DDI2: variants seen among roughly 807,000 people sequenced by gnomAD.
DDI2 encodes DDI proteasomal shuttling factor 2, also known as protein DDI1 homolog 2.
In DDI2, 5 loss-of-function variants were observed where a neutral mutation model predicts 48.1. The ratio of observed to expected loss-of-function variants is 0.10; its 90% CI spans 0.05 to 0.22. The LOEUF (loss-of-function observed/expected upper bound fraction) is 0.22. Ranked by LOEUF, DDI2 falls within the 10% of genes least tolerant of loss-of-function variation. The pLI is 1.00. For synonymous variants in DDI2, 205 were observed against 183.6 expected (o/e 1.12, Z -0.94); for missense variants, 285 against 506.2 (o/e 0.56, Z 4.19).
At chr1:15,621,644 C>G (rs1570964167) in intron 1 of DDI2, among the ~76,000 whole-genome samples, 1 of 152,164 alleles carries the variant, frequency 6.6e-6, no homozygotes, top group African/African-American at 2.4e-5. Context: ...CCTTGGCCTC[C>G]CAGAGTGCTG....
At chr1:15,655,773 A>G (rs1030037360) in intron 8 of DDI2, among the ~76,000 whole-genome samples, 1 of 151,300 alleles carries the variant, frequency 6.6e-6, no homozygotes, top group Admixed American at 6.6e-5. Flanking sequence ...AAAAAGAAAA[A>G]AAATTAGCCA....
chr1:15,633,351 T>A, intron 3 of DDI2, 88 bp from the exon 4 acceptor site: 1 of 1,464,872 alleles, frequency 6.8e-7, no homozygotes, highest in Non-Finnish European at 9.3e-7. Flanking sequence ...CTTACAGATG[T>A]AGTTTGATAA....
chr1:15,665,643 A>G lies in DDI2; in HGVS notation c.*5853A>G, dbSNP rs1433691974. ...GTGATTGACAAGTATAGTTAATTTT[A>G]TATGGATTTAAAAGCAAGCAATTTT... On this transcript the variant is annotated 3_prime_UTR_variant, in exon 10 of 10. Coordinates refer to ENST00000480945, the MANE Select transcript of DDI2 (RefSeq NM_032341.5). 2 of 152,208 alleles carry G rather than the reference A, an allele frequency of 1.3e-5. No individual in the cohort carries two copies. Among genetic ancestry groups the G allele is most frequent in the Non-Finnish European group, 2.9e-5 (2 of 68,044 alleles). 9.4% of individuals were successfully genotyped at this position (152,208 alleles called of 1,614,324 possible).
At chr1:15,621,163 G>C (rs1028451096) in intron 1 of DDI2, among the ~76,000 whole-genome samples, 4 of 152,150 alleles carry the variant, frequency 2.6e-5, no homozygotes, top group African/African-American at 9.7e-5. Context: ...TTGATGCTTT[G>C]ATGCAGACTT....
chr1:15,660,884 A>T lies in DDI2; in HGVS notation c.*1094A>T, dbSNP rs1233822150. ...TCTCCAAGTCTCTGTGGCAGTTGTCAGCCTTCTGTGGAGTCAGCAGAAGAA... is the reference window on the plus strand; with the variant it reads ...TCTCCAAGTCTCTGTGGCAGTTGTCTGCCTTCTGTGGAGTCAGCAGAAGAA... On this transcript the variant is annotated 3_prime_UTR_variant, in exon 10 of 10. Coordinates refer to ENST00000480945, the MANE Select transcript of DDI2 (RefSeq NM_032341.5). 6.2e-7 allele frequency: 1 copy of T among 1,614,056 alleles called. No individual in the cohort carries two copies. The highest frequency in any genetic ancestry group is 8.5e-7 in the Non-Finnish European group (1 of 1,180,040).
At chr1:15,634,862 A>G (rs1000104427) in intron 4 of DDI2, among the ~76,000 whole-genome samples, 3 of 151,918 alleles carry the variant, frequency 2.0e-5, no homozygotes, top group Admixed American at 6.6e-5. Flanking sequence ...CTTCCTTCTG[A>G]CCTCAATTGA....
At chr1:15,633,977 T>G (rs2103467404) in intron 4 of DDI2, 4 of 360,622 alleles carry the variant, frequency 1.1e-5, no homozygotes, top group South Asian at 8.5e-5. Flanking sequence ...GGCTTAAACA[T>G]GATTGGATTA....
At chr1:15,638,171 C>T (rs1639955391) in intron 4 of DDI2, 136 bp from the exon 5 acceptor site, 1 of 1,247,444 alleles carries the variant, frequency 8.0e-7, no homozygotes, top group East Asian at 2.6e-5. Context: ...CATATAGCAC[C>T]AATTTTTCTA....
intron 4 of DDI2, among the ~76,000 whole-genome samples, chr1:15,638,076 G>A (rs1244194059): frequency 6.6e-6 from 1 of 152,194 alleles, no homozygotes; most frequent in Admixed American, 6.5e-5. Context: ...AGGCGGCTTA[G>A]TGTTTTACAA....
chr1:15,665,418 T>A lies in DDI2; in HGVS notation c.*5628T>A, dbSNP rs1640438560. The A allele has an allele frequency of 6.6e-6, 1 of 152,184 alleles. No individual in the cohort carries two copies. The highest frequency in any genetic ancestry group is 1.5e-5 in the Non-Finnish European group (1 of 68,036). 9.4% of individuals were successfully genotyped at this position (152,184 alleles called of 1,614,324 possible). A position where few individuals can be genotyped will look rare whatever the true frequency, so the allele number is the denominator to read the frequency against. ...GGGAGACACAACCCTATGTGTTTTT[T>A]CCCAAAGCATGTCTCTAGCAAGAGG... On this transcript the variant is annotated 3_prime_UTR_variant, in exon 10 of 10. Transcript: ENST00000480945.
rs1171913394 is a variant in DDI2 at position 15,663,205 on chromosome 1, C to T, written c.*3415C>T. ...AAGCTTCGAAAGAGTGATTTCTCAA[C>T]TTAGTGTTAAATGATTTTGTCTGAA... On this transcript the variant is annotated 3_prime_UTR_variant, in exon 10 of 10. Transcript: ENST00000480945. 4.6e-5 allele frequency: 7 copies of T among 152,162 alleles called. No homozygotes were observed. Among genetic ancestry groups the T allele is most frequent in the Non-Finnish European group, 8.8e-5 (6 of 68,044 alleles). 9.4% of individuals were successfully genotyped at this position (152,162 alleles called of 1,614,324 possible). A position where few individuals can be genotyped will look rare whatever the true frequency, so the allele number is the denominator to read the frequency against.
chr1:15,659,317 A>T (rs1051666965), intron 9 of DDI2, among the ~76,000 whole-genome samples: 2 of 152,238 alleles, frequency 1.3e-5, no homozygotes, highest in Non-Finnish European at 2.9e-5. Flanking sequence ...TAACATGAGA[A>T]TCATTCTGGT....
intron 8 of DDI2, among the ~76,000 whole-genome samples, chr1:15,652,556 G>C (rs1426305564): frequency 1.3e-5 from 2 of 149,190 alleles, no homozygotes; most frequent in Non-Finnish European, 3.0e-5. Context: ...AGGCGCGGTG[G>C]CTCACGCCTG....
At chr1:15,653,702 G>T (rs1179825260) in intron 8 of DDI2, among the ~76,000 whole-genome samples, 1 of 152,018 alleles carries the variant, frequency 6.6e-6, no homozygotes, top group East Asian at 1.9e-4. Flanking sequence ...TTGCCATGTT[G>T]CCCAGGCTGG....
At position 15,651,885 on chromosome 1, in the gene DDI2, A is replaced by G. The variant is rs971679941; in HGVS notation, c.1173A>G (p.Ala391=). 2 of 1,613,614 alleles carry G rather than the reference A, an allele frequency of 1.2e-6. No individual in the cohort carries two copies. The highest frequency in any genetic ancestry group is 2.7e-5 in the African/African-American group (2 of 75,000). ...QELAEALQKS[A]EDAERQKP ...TAGCAGAAGCCCTTCAAAAATCAGCAGAGGATGCAGGTATTTGGGATGGCC... is the reference window on the plus strand; with the variant it reads ...TAGCAGAAGCCCTTCAAAAATCAGCGGAGGATGCAGGTATTTGGGATGGCC... The change falls in exon 8 of 10, where the codon GCA becomes GCG. Residue 391 remains alanine, a synonymous_variant. Transcript: ENST00000480945.
At chr1:15,623,557 C>CTTATTA (rs202147595) in intron 1 of DDI2, among the ~76,000 whole-genome samples, 2,831 of 84,046 alleles carry the variant, frequency 0.034, 91 homozygotes, top group African/African-American at 0.12. Context: ...CCATGCCTGG[C>CTTATTA]TTATTATTAT....
At position 15,633,464 on chromosome 1, in the gene DDI2, G is replaced by A; in HGVS notation, c.531G>A (p.Glu177=). 9 of 1,613,524 alleles carry A rather than the reference G, an allele frequency of 5.6e-6. No homozygotes were observed. The highest frequency in any genetic ancestry group is 7.6e-6 in the Non-Finnish European group (9 of 1,179,642). The change falls in exon 4 of 10, where the codon GAG becomes GAA. Residue 177 remains glutamate, a synonymous_variant. Coordinates refer to ENST00000480945, the MANE Select transcript of DDI2 (RefSeq NM_032341.5). The stretch of plus-strand genomic sequence containing the variant: ...AGAAATTTTCTAGAGTCCTGGTGGA[G>A]CAGCAGCAGGACCGAGCCCGGAGAG... The part of the protein sequence containing the change: ...DLEKFSRVLV[E]QQQDRARREQ...
rs972044282 is a variant in DDI2 at position 15,624,572 on chromosome 1, A to G, written c.139-2097A>G. Among the ~76,000 whole-genome samples, 6 of 152,162 alleles carry G rather than the reference A, an allele frequency of 3.9e-5. No individual in the cohort carries two copies. The South Asian group carries it at 1.2e-3, about 32-fold the overall frequency. ...AGCCTGGACCTCCTGGGCTCAAGCAATCCTCCTGCCTCAGACTCCTAAGTA... is the reference window on the plus strand; with the variant it reads ...AGCCTGGACCTCCTGGGCTCAAGCAGTCCTCCTGCCTCAGACTCCTAAGTA... On this transcript the variant is annotated intron_variant, in intron 1 of 9. Transcript: ENST00000480945.
At chr1:15,620,118 GGCATT>G (rs1171812008) in intron 1 of DDI2, among the ~76,000 whole-genome samples, 3 of 152,064 alleles carry the variant, frequency 2.0e-5, no homozygotes, top group African/African-American at 7.2e-5. Context: ...TCAATGTTTC[GGCATT>G]TACTTCCTTC....
Sources: allele counts gnomAD v4.1 joint callset (sites outside exome capture counted in the v4.1 genomes callset), GRCh38; gene constraint gnomAD v4.1.1; transcripts MANE v1.5; gene names NCBI Gene and HGNC (gene_info 2026-07-23, HGNC 2026-07-21).